Variants in FNDC3A observed in about 807,000 individuals in gnomAD.
FNDC3A encodes fibronectin type III domain containing 3A, also known as fibronectin type-III domain-containing protein 3A.
FNDC3A carries 32 observed loss-of-function variants against 148.9 expected under a neutral mutation model. The observed-to-expected ratio is 0.21, with a 90% CI of 0.16 to 0.29. FNDC3A has a LOEUF of 0.29. FNDC3A is among the 10% of genes least tolerant of loss of function. The probability of loss-of-function intolerance (pLI) is 1.00; values close to 1 mark genes in which losing one functional copy is unlikely to be tolerated. For missense variants in FNDC3A, 1,191 were observed against 1,452.8 expected (o/e 0.82, Z 2.93); for synonymous variants, 472 against 473.6 (o/e 1.00, Z 0.04).
Position 49,043,242 on chromosome 13 carries a change from G to C in FNDC3A, c.100-32047G>C, listed in dbSNP as rs543648497. Among the ~76,000 whole-genome samples, 35 of 152,152 alleles carry C rather than the reference G, an allele frequency of 2.3e-4. No homozygotes were observed. The Middle Eastern group carries it at 0.01, about 44-fold the overall frequency. On this transcript the variant is annotated intron_variant, in intron 2 of 25. Coordinates refer to ENST00000492622, the MANE Select transcript of FNDC3A (RefSeq NM_001079673.2). ...TGGCTCCCAAAGTGTTGGAATTACA[G>C]GCGTGAGCCACTGGACCCATCCTGC... is the stretch of plus-strand genomic sequence containing the variant.
chr13:49,178,682 T>G (rs753005784), intron 14 of FNDC3A, 28 bp downstream of exon 14: 1 of 1,241,484 alleles, frequency 8.1e-7, no homozygotes, highest in Non-Finnish European at 1.1e-6. Context: ...TTAAACGATT[T>G]GTTCCTTGTT....
intron 1 of FNDC3A, among the ~76,000 whole-genome samples, chr13:48,995,863 T>G (rs1304421215): frequency 1.3e-5 from 2 of 152,250 alleles, no homozygotes; most frequent in Non-Finnish European, 2.9e-5. Flanking sequence ...GTGATTCCCA[T>G]GAGTTTCATC....
chr13:49,173,319 A>C (rs1166584234), intron 11 of FNDC3A, among the ~76,000 whole-genome samples: 1 of 152,242 alleles, frequency 6.6e-6, no homozygotes, highest in Admixed American at 6.5e-5. Context: ...TTCTAAGATA[A>C]TTTAGAATTA....
At chr13:49,165,799 A>G (rs922958539) in intron 8 of FNDC3A, among the ~76,000 whole-genome samples, 4 of 152,146 alleles carry the variant, frequency 2.6e-5, no homozygotes, top group African/African-American at 9.7e-5. Context: ...GTCCATGCTG[A>G]TGTTGATGGT....
At chr13:48,977,502 C>T (rs930391949) in intron 1 of FNDC3A, among the ~76,000 whole-genome samples, 15 of 152,208 alleles carry the variant, frequency 9.9e-5, no homozygotes, top group Admixed American at 6.5e-4. Context: ...TAACTCTTGT[C>T]ATCTTGTGTC....
chr13:48,991,132 A>G (rs1301313102), intron 1 of FNDC3A, among the ~76,000 whole-genome samples: 4 of 152,230 alleles, frequency 2.6e-5, no homozygotes, highest in South Asian at 2.1e-4. Context: ...AAACACCACA[A>G]TTAAAAGTCA....
intron 5 of FNDC3A, among the ~76,000 whole-genome samples, chr13:49,133,161 A>G (rs1882135835): frequency 6.6e-6 from 1 of 152,204 alleles, no homozygotes. Flanking sequence ...AGTGCTTGAG[A>G]TTCTGCATTT....
intron 13 of FNDC3A, among the ~76,000 whole-genome samples, chr13:49,177,192 G>A (rs570394325): frequency 2.6e-5 from 4 of 152,258 alleles, no homozygotes; most frequent in African/African-American, 9.6e-5. Context: ...CACATAGGCT[G>A]CACTTTAACT....
intron 2 of FNDC3A, among the ~76,000 whole-genome samples, chr13:49,059,514 G>A (rs1876500199): frequency 6.6e-6 from 1 of 152,212 alleles, no homozygotes; most frequent in Non-Finnish European, 1.5e-5. Context: ...GGAGTGCAGT[G>A]GTATGATCAT....
Position 49,174,149 on chromosome 13 carries a change from A to G in FNDC3A, c.1231-286A>G, listed in dbSNP as rs188213296. Among the ~76,000 whole-genome samples, 344 of 152,278 alleles carry G rather than the reference A, an allele frequency of 2.3e-3. 1 individual carries two copies. Among genetic ancestry groups the G allele is most frequent in the African/African-American group, 8.0e-3 (331 of 41,570 alleles). ...ACTGGTAGTCTTCTATGGAGATTGTAGGGTCCATACCTGCAGAGTTTCCTT... is the reference window on the plus strand; with the variant it reads ...ACTGGTAGTCTTCTATGGAGATTGTGGGGTCCATACCTGCAGAGTTTCCTT... On this transcript the variant is annotated intron_variant, in intron 11 of 25. Coordinates refer to ENST00000492622, the MANE Select transcript of FNDC3A (RefSeq NM_001079673.2).
At chr13:48,992,442 A>G in intron 1 of FNDC3A, among the ~76,000 whole-genome samples, 1 of 152,344 alleles carries the variant, frequency 6.6e-6, no homozygotes, top group East Asian at 1.9e-4. Context: ...TCAAAACTAA[A>G]TAATAAGAAA....
intron 3 of FNDC3A, among the ~76,000 whole-genome samples, chr13:49,080,084 A>G (rs1878372917): frequency 6.6e-6 from 1 of 152,354 alleles, no homozygotes; most frequent in South Asian, 2.1e-4. Flanking sequence ...GGCATGGACA[A>G]TTGTACCTGG....
Position 49,196,980 on chromosome 13 carries a change from T to C in FNDC3A, c.2330T>C (p.Val777Ala). Residue 777 changes from valine to alanine, a missense_variant, in exon 20 of 26, where the codon GTG becomes GCG. Physicochemically the swap from Val to Ala is moderately conservative, Grantham distance 64. This residue lies in a region of FNDC3A where 751 missense variants were observed against 944.0 expected (regional missense o/e 0.80). Transcript: ENST00000492622. ...VTCRSATCAQVNWEVPLSNGT... is the reference protein window; with the variant it reads ...VTCRSATCAQANWEVPLSNGT... ...TGTAGATCTGCAACTTGTGCACAAG[T>C]GAATTGGGAGGTATTGTAATTTCCA... is the stretch of plus-strand genomic sequence containing the variant. 6.3e-7 allele frequency: 1 copy of C among 1,599,140 alleles called. No individual in the cohort carries two copies. Among genetic ancestry groups the C allele is most frequent in the Non-Finnish European group, 8.6e-7 (1 of 1,168,894 alleles).
chr13:49,146,025 C>T, intron 8 of FNDC3A, 90 bp downstream of exon 8: 1 of 915,916 alleles, frequency 1.1e-6, no homozygotes, highest in Non-Finnish European at 1.6e-6. Context: ...ACTTTTCCTT[C>T]TTCACGCTTT....
At chr13:49,090,149 G>A (rs181429581) in intron 3 of FNDC3A, among the ~76,000 whole-genome samples, 19 of 152,292 alleles carry the variant, frequency 1.2e-4, no homozygotes, top group Admixed American at 7.9e-4. Flanking sequence ...GAGGCCAGAC[G>A]CGCTGGCTCA....
At chr13:49,065,923 A>G (rs1877231845) in intron 2 of FNDC3A, among the ~76,000 whole-genome samples, 1 of 152,218 alleles carries the variant, frequency 6.6e-6, no homozygotes, top group Admixed American at 6.5e-5. Context: ...GCTTGTAAAA[A>G]TGATTTAAAG....
intron 4 of FNDC3A, among the ~76,000 whole-genome samples, chr13:49,121,814 C>T (rs942587685): frequency 1.3e-5 from 2 of 152,142 alleles, no homozygotes; most frequent in East Asian, 3.8e-4. Flanking sequence ...AGTGGAATCC[C>T]TGAATAGACC....
intron 2 of FNDC3A, among the ~76,000 whole-genome samples, chr13:49,039,508 T>A (rs1874757205): frequency 6.6e-6 from 1 of 152,198 alleles, no homozygotes. Flanking sequence ...TAATTTTATA[T>A]ATGAACCTCT....
At chr13:49,166,084 C>T (rs1016434280) in intron 8 of FNDC3A, among the ~76,000 whole-genome samples, 2 of 152,108 alleles carry the variant, frequency 1.3e-5, no homozygotes, top group African/African-American at 2.4e-5. Context: ...TAGGGATGAC[C>T]CCCAGGCCCA....
Sources: gnomAD v4.1 joint callset for allele counts (sites outside exome capture counted in the v4.1 genomes callset) on GRCh38, gnomAD v4.1.1 for gene constraint, gnomAD v4.1.1 regional missense constraint, MANE v1.5 for transcripts, NCBI Gene and HGNC (gene_info 2026-07-23, HGNC 2026-07-21) for gene names.